Variants in CENPW observed in about 807,000 individuals in gnomAD.
The protein encoded by CENPW is centromere protein W.
In CENPW, 3 loss-of-function variants were observed where a neutral mutation model predicts 11.1. That is an observed-to-expected ratio of 0.27 (90% CI 0.12 to 0.70). CENPW has a LOEUF of 0.70. Ranked by LOEUF, CENPW falls within the 30% of genes least tolerant of loss-of-function variation. The pLI is 0.77. For synonymous variants in CENPW, 38 were observed against 42.0 expected (o/e 0.91, Z 0.37); for missense variants, 100 against 105.6 (o/e 0.95, Z 0.23).
chr6:126,384,935 A>G, the CENPW span, among the ~76,000 whole-genome samples: 1 of 152,154 alleles, frequency 6.6e-6, no homozygotes, highest in Non-Finnish European at 1.5e-5. Context: ...ACCCCATTAA[A>G]AAAGTGGAGA....
At chr6:126,417,129 G>A in the CENPW span, among the ~76,000 whole-genome samples, 1 of 152,220 alleles carries the variant, frequency 6.6e-6, no homozygotes. Flanking sequence ...ACCTGGATGT[G>A]AGTCATGAAA....
chr6:126,447,303 A>G, the CENPW span, among the ~76,000 whole-genome samples: 1 of 151,220 alleles, frequency 6.6e-6, no homozygotes, highest in East Asian at 1.9e-4. Context: ...AAAGAATCCA[A>G]GCACAATTTG....
chr6:126,430,037 T>A, the CENPW span, among the ~76,000 whole-genome samples: 7 of 152,246 alleles, frequency 4.6e-5, no homozygotes, highest in Non-Finnish European at 1.0e-4. Flanking sequence ...CTCAAATTTC[T>A]GTTCTGCCAT....
chr6:126,381,180 C>T, the CENPW span, among the ~76,000 whole-genome samples: 1 of 152,160 alleles, frequency 6.6e-6, no homozygotes, highest in East Asian at 1.9e-4. Context: ...TCTTCCTTAA[C>T]ATGTTTTAAC....
the CENPW span, among the ~76,000 whole-genome samples, chr6:126,416,713 G>A: frequency 6.6e-6 from 1 of 152,150 alleles, no homozygotes; most frequent in Non-Finnish European, 1.5e-5. Flanking sequence ...GATTCCATGT[G>A]GTGTTGAGCC....
At chr6:126,442,004 T>C in the CENPW span, among the ~76,000 whole-genome samples, 3 of 151,616 alleles carry the variant, frequency 2.0e-5, no homozygotes, top group Admixed American at 6.6e-5. Flanking sequence ...TAGTTCTACT[T>C]TGAGTTCTTT....
the CENPW span, among the ~76,000 whole-genome samples, chr6:126,464,762 G>A: frequency 6.6e-6 from 1 of 151,998 alleles, no homozygotes; most frequent in Non-Finnish European, 1.5e-5. Flanking sequence ...ACTTGCAGAT[G>A]GCCTATTGTG....
At chr6:126,460,493 G>A in the CENPW span, among the ~76,000 whole-genome samples, 9 of 151,678 alleles carry the variant, frequency 5.9e-5, no homozygotes, top group Admixed American at 4.0e-4. Context: ...AAATGTCAAC[G>A]CTGTGCCCTA....
At chr6:126,351,095 A>T (rs1583958468), downstream of CENPW, among the ~76,000 whole-genome samples, 1 of 151,662 alleles carries the variant, frequency 6.6e-6, no homozygotes, top group East Asian at 1.9e-4. Context: ...GTGATAGTTA[A>T]TCCCACTGCC....
the CENPW span, among the ~76,000 whole-genome samples, chr6:126,446,080 C>T: frequency 6.6e-6 from 1 of 150,910 alleles, no homozygotes; most frequent in African/African-American, 2.4e-5. Flanking sequence ...GCTCACATGA[C>T]AAAACACTTT....
At chr6:126,382,780 A>C in the CENPW span, among the ~76,000 whole-genome samples, 3 of 152,210 alleles carry the variant, frequency 2.0e-5, no homozygotes, top group Non-Finnish European at 2.9e-5. Context: ...GAAGTATGGG[A>C]TCATGTAAAG....
the CENPW span, among the ~76,000 whole-genome samples, chr6:126,369,498 T>C: frequency 6.6e-6 from 1 of 152,224 alleles, no homozygotes; most frequent in Non-Finnish European, 1.5e-5. Flanking sequence ...GGAATCACAT[T>C]GTGGTTTTGA....
the CENPW span, among the ~76,000 whole-genome samples, chr6:126,444,065 T>G: frequency 6.6e-6 from 1 of 151,052 alleles, no homozygotes; most frequent in Non-Finnish European, 1.5e-5. Flanking sequence ...TTTTTTTTTT[T>G]TCCTTTATAA....
the CENPW span, among the ~76,000 whole-genome samples, chr6:126,443,305 G>A: frequency 3.6e-4 from 54 of 151,210 alleles, no homozygotes; most frequent in African/African-American, 6.5e-4. Context: ...AAGAAACTGC[G>A]TAATTTGTCC....
At position 126,340,303 on chromosome 6, in the gene CENPW, G is replaced by A; in HGVS notation, c.30G>A (p.Arg10=). Residue 10 remains arginine, a synonymous_variant, in exon 1 of 3, where the codon AGG becomes AGA. Transcript: ENST00000368328. MALSTIVSQ[R]KQIKRKAPRG... is the part of the protein sequence containing the mutation. ...CGCTGTCGACCATAGTCTCCCAGAG[G>A]AAGCAGATAAAGCGGAAGGCTCCCC... The A allele has an allele frequency of 6.2e-7, 1 of 1,613,970 alleles. No homozygotes were observed. Among genetic ancestry groups the A allele is most frequent in the Non-Finnish European group, 8.5e-7 (1 of 1,180,026 alleles).
At chr6:126,354,030 T>C in the CENPW span, among the ~76,000 whole-genome samples, 1 of 152,092 alleles carries the variant, frequency 6.6e-6, no homozygotes, top group East Asian at 1.9e-4. Flanking sequence ...TATTTTCACG[T>C]AATTATCAAC....
At chr6:126,351,949 A>T (rs1562382375), downstream of CENPW, among the ~76,000 whole-genome samples, 1 of 152,082 alleles carries the variant, frequency 6.6e-6, no homozygotes, top group East Asian at 1.9e-4. Context: ...AGTGGTTTTC[A>T]AGCTTTACTA....
downstream of CENPW, among the ~76,000 whole-genome samples, chr6:126,351,136 AAG>A (rs549432634): frequency 7.7e-6 from 1 of 130,156 alleles, no homozygotes; most frequent in African/African-American, 2.6e-5. Context: ...GTGGAGGAGA[AAG>A]AGAGAGAGTG....
the CENPW span, among the ~76,000 whole-genome samples, chr6:126,446,357 G>GCC: frequency 7.9e-5 from 10 of 126,422 alleles, no homozygotes; most frequent in East Asian, 4.9e-4. Context: ...CCCCTCCCTG[G>GCC]CCCCCCCACA....
Sources: allele counts gnomAD v4.1 joint callset (sites outside exome capture counted in the v4.1 genomes callset), GRCh38; gene constraint gnomAD v4.1.1; transcripts MANE v1.5; gene names NCBI Gene and HGNC (gene_info 2026-07-23, HGNC 2026-07-21).